SCAI: variants seen among roughly 807,000 people sequenced by gnomAD.
SCAI encodes the protein protein SCAI.
A neutral mutation model predicts 92.2 loss-of-function variants in SCAI; 24 were observed. The ratio of observed to expected loss-of-function variants is 0.26; its 90% CI spans 0.19 to 0.37. The LOEUF (loss-of-function observed/expected upper bound fraction) is 0.37. SCAI is among the 10% of genes least tolerant of loss of function. The pLI is 1.00. For synonymous variants in SCAI, 261 were observed against 258.6 expected (o/e 1.01, Z -0.09); for missense variants, 450 against 736.2 (o/e 0.61, Z 4.50).
chr9:124,999,386 C>CAAAAAA (rs879464843), intron 13 of SCAI, among the ~76,000 whole-genome samples: 1 of 116,932 alleles, frequency 8.6e-6, no homozygotes. Context: ...GACTCCATCT[C>CAAAAAA]AAAAAAAAAA....
chr9:124,981,185 C>T (rs1052046784), intron 14 of SCAI, among the ~76,000 whole-genome samples: 24 of 152,168 alleles, frequency 1.6e-4, no homozygotes, highest in African/African-American at 4.8e-4. Context: ...TATAAAGTTG[C>T]TATTGAATTT....
intron 2 of SCAI, among the ~76,000 whole-genome samples, chr9:125,086,426 T>C (rs1834327724): frequency 6.6e-6 from 1 of 152,170 alleles, no homozygotes; most frequent in African/African-American, 2.4e-5. Context: ...CTCCAAATGC[T>C]GGGAAACCTC....
At chr9:124,968,883 T>C (rs1361242508) in intron 17 of SCAI, 1 of 526,008 alleles carries the variant, frequency 1.9e-6, no homozygotes, top group Non-Finnish European at 3.4e-6. Flanking sequence ...TCCTAGGCTA[T>C]GTAGTTCATC....
chr9:125,063,638 T>C (rs1229513022), intron 2 of SCAI, among the ~76,000 whole-genome samples: 1 of 151,818 alleles, frequency 6.6e-6, no homozygotes, highest in Non-Finnish European at 1.5e-5. Flanking sequence ...GGAAGAAGTG[T>C]AGCTACGCTA....
At chr9:125,080,754 A>G (rs1260917450) in intron 2 of SCAI, among the ~76,000 whole-genome samples, 1 of 152,228 alleles carries the variant, frequency 6.6e-6, no homozygotes, top group Non-Finnish European at 1.5e-5. Flanking sequence ...AACAGTCAAT[A>G]AAAGGTAGTA....
At chr9:124,995,383 T>C (rs1832218810) in intron 13 of SCAI, among the ~76,000 whole-genome samples, 1 of 152,206 alleles carries the variant, frequency 6.6e-6, no homozygotes, top group African/African-American at 2.4e-5. Context: ...CAAAACCAGA[T>C]TTGTATTTCA....
Position 124,952,726 on chromosome 9 carries a change from A to ATG in SCAI, c.*79_*80dup. ...AAAATAAAAACTAAGTAACACCACT[A>ATG]TGTGTCTTATCACGTTAGAAAACTG... On this transcript the variant is annotated 3_prime_UTR_variant, in exon 18 of 18. Coordinates refer to ENST00000336505, the MANE Select transcript of SCAI (RefSeq NM_001144877.3). The ATG allele has an allele frequency of 7.0e-6, 8 of 1,138,900 alleles. No individual in the cohort carries two copies. In the South Asian group the frequency reaches 1.2e-4, roughly 17 times the overall value. 70.5% of individuals were successfully genotyped at this position (1,138,900 alleles called of 1,614,324 possible).
chr9:125,047,234 A>AG (rs1228687856), intron 3 of SCAI, among the ~76,000 whole-genome samples: 1 of 152,194 alleles, frequency 6.6e-6, no homozygotes, highest in Non-Finnish European at 1.5e-5. Context: ...AGAAGACATT[A>AG]GGACATACAA....
chr9:125,119,224 A>G (rs150238650), intron 2 of SCAI, among the ~76,000 whole-genome samples: 1 of 152,314 alleles, frequency 6.6e-6, no homozygotes. Flanking sequence ...GAAGTCTCAA[A>G]GCAAACCCAT....
At position 125,143,432 on chromosome 9, in the gene SCAI, G is replaced by T. The variant is rs1292065100; in HGVS notation, c.6C>A (p.Val2=). The change falls in exon 1 of 18, where the codon GTC becomes GTA. Residue 2 remains valine, a synonymous_variant. Transcript: ENST00000336505. The part of the protein sequence containing the change: M[V]RGARQPQQPR... ...GCTGCTGGGGCTGCCGGGCTCCTCT[G>T]ACCATCCGGCTCCTGCTCCGCCGCG... 3 of 1,393,504 alleles carry T rather than the reference G, an allele frequency of 2.2e-6. No homozygotes were observed. The highest frequency in any genetic ancestry group is 1.5e-5 in the South Asian group (1 of 65,048). The allele number at this position is 1,393,504 out of a possible 1,614,324, so 86.3% of individuals were successfully genotyped here.
chr9:125,108,524 A>AC (rs908491713), intron 2 of SCAI, among the ~76,000 whole-genome samples: 2 of 120,672 alleles, frequency 1.7e-5, no homozygotes, highest in African/African-American at 3.2e-5. Flanking sequence ...CCCGGCTGCG[A>AC]CCCCATCTGG....
intron 2 of SCAI, among the ~76,000 whole-genome samples, chr9:125,067,393 GAC>G (rs1173965854): frequency 2.0e-5 from 3 of 152,130 alleles, no homozygotes; most frequent in African/African-American, 7.2e-5. Context: ...GAGCAGAGGA[GAC>G]ACAGAGACAG....
chr9:124,990,691 TA>T (rs202111887), intron 14 of SCAI, among the ~76,000 whole-genome samples: 4,796 of 151,884 alleles, frequency 0.032, 234 homozygotes, highest in East Asian at 0.23. Context: ...AAATAGTGGT[TA>T]GGGGAGAGAA....
At chr9:124,959,897 G>A (rs1831406128) in intron 17 of SCAI, among the ~76,000 whole-genome samples, 1 of 152,076 alleles carries the variant, frequency 6.6e-6, no homozygotes, top group African/African-American at 2.4e-5. Context: ...AGTATTCCAT[G>A]GTGTATATGT....
intron 2 of SCAI, among the ~76,000 whole-genome samples, chr9:125,066,869 T>C (rs1368773269): frequency 6.6e-6 from 1 of 152,214 alleles, no homozygotes; most frequent in Non-Finnish European, 1.5e-5. Context: ...GTACTTAACA[T>C]TGTATAATTG....
At chr9:124,986,648 A>C (rs1411451530) in intron 14 of SCAI, among the ~76,000 whole-genome samples, 2 of 152,240 alleles carry the variant, frequency 1.3e-5, no homozygotes, top group East Asian at 3.8e-4. Context: ...GCAGTAACAA[A>C]AAACTCCAAC....
rs557057764 is a variant in SCAI, at chr9:125,007,516, C to T, written c.862-3946G>A. On this transcript the variant is annotated intron_variant, in intron 9 of 17. Coordinates refer to ENST00000336505, the MANE Select transcript of SCAI (RefSeq NM_001144877.3). ...CCAGCCTTGGCAATACAGCAACACC[C>T]CATCTCTATAAAACATAAACATTTT... Among the ~76,000 whole-genome samples the T allele has an allele frequency of 4.6e-5, 7 of 152,224 alleles. No homozygotes were observed. The South Asian group carries it at 1.2e-3, about 27-fold the overall frequency.
rs1260077346 is a variant in SCAI, at chr9:125,142,634, T to C, written c.97A>G (p.Arg33Gly). Residue 33 changes from arginine to glycine, a missense_variant and splice_region_variant, in exon 2 of 18, where the codon AGG becomes GGG. By Grantham distance (125) the Arg-to-Gly change is moderately radical. Around this residue, in one of 3 missense-constraint regions of SCAI, gnomAD observed 70 missense variants for 66.3 expected, o/e 1.06. Coordinates refer to ENST00000336505, the MANE Select transcript of SCAI (RefSeq NM_001144877.3). ...VEKPPRKRRSRTEFALKEIMS... is the reference protein window; with the variant it reads ...VEKPPRKRRSGTEFALKEIMS... Reference sequence around the variant, plus strand: ...CAAAATAGGAAGGCACTGCCTTACCTGCTTCTCCGTTTTCGAGGCGGTTTC... The same window carrying C: ...CAAAATAGGAAGGCACTGCCTTACCCGCTTCTCCGTTTTCGAGGCGGTTTC... 8.7e-6 allele frequency: 14 copies of C among 1,613,446 alleles called. No homozygotes were observed. Among genetic ancestry groups the C allele is most frequent in the Non-Finnish European group, 1.2e-5 (14 of 1,179,530 alleles).
chr9:125,053,674 A>C (rs75973515), intron 3 of SCAI, among the ~76,000 whole-genome samples: 2,547 of 152,322 alleles, frequency 0.017, 73 homozygotes, highest in African/African-American at 0.059. Context: ...AAGAATGTAG[A>C]ATCACTGCTA....
Sources: gnomAD v4.1 joint callset for allele counts (sites outside exome capture counted in the v4.1 genomes callset) on GRCh38, gnomAD v4.1.1 for gene constraint, gnomAD v4.1.1 regional missense constraint, MANE v1.5 for transcripts, NCBI Gene and HGNC (gene_info 2026-07-23, HGNC 2026-07-21) for gene names.